Variants in CSMD3 observed in about 807,000 individuals in gnomAD.
CSMD3 encodes the protein CUB and sushi domain-containing protein 3.
CSMD3 carries 177 observed loss-of-function variants against 435.2 expected under a neutral mutation model. The ratio of observed to expected loss-of-function variants is 0.41; its 90% CI spans 0.36 to 0.46. The LOEUF (loss-of-function observed/expected upper bound fraction) is 0.46, where lower values mean the gene tolerates loss of function less well. Among genes scored for constraint, CSMD3 ranks in the 20% least tolerant of loss-of-function variants. CSMD3 has a pLI of 0.34. For missense variants in CSMD3, 4,265 were observed against 4,504.6 expected, an observed-to-expected ratio of 0.95 and a Z score of 1.52; for synonymous variants, 1,656 against 1,520.5, an observed-to-expected ratio of 1.09 and a Z score of -2.07.
At chr8:113,203,815 T>C (rs1483052500) in intron 3 of CSMD3, among the ~76,000 whole-genome samples, 1 of 152,142 alleles carries the variant, frequency 6.6e-6, no homozygotes, top group Non-Finnish European at 1.5e-5. Context: ...ACATGTACTA[T>C]TAAATTTTTC....
intron 1 of CSMD3, among the ~76,000 whole-genome samples, chr8:113,391,255 T>G (rs986736325): frequency 1.3e-5 from 2 of 152,010 alleles, no homozygotes; most frequent in African/African-American, 4.8e-5. Context: ...GAACTAAGAA[T>G]AGGCACTACT....
At chr8:112,967,376 GT>G (rs1246966871) in intron 7 of CSMD3, among the ~76,000 whole-genome samples, 1 of 151,898 alleles carries the variant, frequency 6.6e-6, no homozygotes, top group African/African-American at 2.4e-5. Flanking sequence ...GCCAAATGGT[GT>G]TTTTCCTACC....
At chr8:112,994,426 C>T (rs118008586) in intron 6 of CSMD3, among the ~76,000 whole-genome samples, 2,850 of 151,544 alleles carry the variant, frequency 0.019, 29 homozygotes, top group Middle Eastern at 0.041. Context: ...AAAGAATAAA[C>T]ACAATAAGAA....
At chr8:113,330,632 T>C (rs1219323711) in intron 1 of CSMD3, among the ~76,000 whole-genome samples, 1 of 151,838 alleles carries the variant, frequency 6.6e-6, no homozygotes, top group African/African-American at 2.4e-5. Context: ...TTATGAAAAT[T>C]GAGCTGGAGT....
chr8:112,434,446 T>TAA (rs1814085675), intron 32 of CSMD3, among the ~76,000 whole-genome samples: 1 of 152,150 alleles, frequency 6.6e-6, no homozygotes, highest in African/African-American at 2.4e-5. Context: ...CATCTTCCTT[T>TAA]AACTTTCCTC....
chr8:112,962,160 T>C (rs962683206), intron 7 of CSMD3, among the ~76,000 whole-genome samples: 3 of 151,080 alleles, frequency 2.0e-5, no homozygotes, highest in South Asian at 4.2e-4. Flanking sequence ...TTCTTGGGAC[T>C]TTTTTTTTCT....
chr8:113,127,462 A>G (rs986765142), intron 4 of CSMD3, among the ~76,000 whole-genome samples: 9 of 151,992 alleles, frequency 5.9e-5, no homozygotes, highest in South Asian at 4.1e-4. Flanking sequence ...ACCAGCACCA[A>G]TAACTACCCT....
At chr8:112,755,510 C>T (rs2077678379) in intron 13 of CSMD3, among the ~76,000 whole-genome samples, 1 of 151,322 alleles carries the variant, frequency 6.6e-6, no homozygotes, top group South Asian at 2.1e-4. Context: ...GTTTGCTTCC[C>T]CTTCGGCCAT....
At chr8:112,868,207 A>C (rs1446927755) in intron 10 of CSMD3, among the ~76,000 whole-genome samples, 1 of 152,124 alleles carries the variant, frequency 6.6e-6, no homozygotes, top group Non-Finnish European at 1.5e-5. Context: ...CAGGGGTAAT[A>C]ATACACATGG....
chr8:112,262,948 C>A (rs746343594), intron 61 of CSMD3, among the ~76,000 whole-genome samples: 1 of 152,062 alleles, frequency 6.6e-6, no homozygotes, highest in Non-Finnish European at 1.5e-5. Flanking sequence ...CCTCCTCTAT[C>A]CCATGCTGGG....
At chr8:112,905,758 A>G (rs2082244621) in intron 10 of CSMD3, among the ~76,000 whole-genome samples, 1 of 151,406 alleles carries the variant, frequency 6.6e-6, no homozygotes, top group Admixed American at 6.6e-5. Flanking sequence ...TCTGGCTACT[A>G]CTTTTGTTGT....
At chr8:113,028,087 G>A (rs1305681221) in intron 5 of CSMD3, among the ~76,000 whole-genome samples, 1 of 152,110 alleles carries the variant, frequency 6.6e-6, no homozygotes, top group Non-Finnish European at 1.5e-5. Flanking sequence ...CATTGGGCAA[G>A]TGGCATTTTT....
chr8:113,394,149 T>C (rs912211913), intron 1 of CSMD3, among the ~76,000 whole-genome samples: 2 of 119,662 alleles, frequency 1.7e-5, no homozygotes, highest in South Asian at 3.2e-4. Flanking sequence ...ACTCTAATAA[T>C]TTGTTGAATT....
Position 112,224,175 on chromosome 8 carries a change from A to G in CSMD3, c.*596T>C, listed in dbSNP as rs1313933704. 3 of 155,756 alleles carry G rather than the reference A, an allele frequency of 1.9e-5. No individual in the cohort carries two copies. The highest frequency in any genetic ancestry group is 7.2e-5 in the African/African-American group (3 of 41,452). 9.6% of individuals were successfully genotyped at this position (155,756 alleles called of 1,614,324 possible). On this transcript the variant is annotated 3_prime_UTR_variant, in exon 71 of 71. Transcript: ENST00000297405. ...GAGCAATATGATGCTAAAGAAATAG[A>G]AAGATTCAAATTGGAATGGGAAACC...
At chr8:112,268,303 G>T (rs1319833608) in intron 59 of CSMD3, among the ~76,000 whole-genome samples, 1 of 152,152 alleles carries the variant, frequency 6.6e-6, no homozygotes, top group East Asian at 1.9e-4. Context: ...GTCTGAATTT[G>T]TTTTGTGGGA....
At chr8:112,462,221 G>A (rs555336417) in intron 32 of CSMD3, among the ~76,000 whole-genome samples, 3 of 152,150 alleles carry the variant, frequency 2.0e-5, no homozygotes, top group African/African-American at 4.8e-5. Context: ...AATAATCTTC[G>A]GCAGCTTTAT....
intron 1 of CSMD3, among the ~76,000 whole-genome samples, chr8:113,343,403 CAT>C (rs2094132794): frequency 6.6e-6 from 1 of 152,016 alleles, no homozygotes; most frequent in Admixed American, 6.6e-5. Flanking sequence ...AAATTGAAAA[CAT>C]ATCAATACAA....
chr8:112,927,630 TAA>T (rs1564113532), intron 9 of CSMD3, among the ~76,000 whole-genome samples: 1 of 152,172 alleles, frequency 6.6e-6, no homozygotes, highest in East Asian at 1.9e-4. Flanking sequence ...TTTCTGACTC[TAA>T]GTTACATTGA....
chr8:113,197,246 T>A (rs2092667775), intron 3 of CSMD3, among the ~76,000 whole-genome samples: 1 of 151,280 alleles, frequency 6.6e-6, no homozygotes, highest in Non-Finnish European at 1.5e-5. Context: ...GTCAAAACTT[T>A]GTTTCATGTA....
Sources: gnomAD v4.1 joint callset for allele counts (sites outside exome capture counted in the v4.1 genomes callset) on GRCh38, gnomAD v4.1.1 for gene constraint, MANE v1.5 for transcripts, NCBI Gene and HGNC (gene_info 2026-07-23, HGNC 2026-07-21) for gene names.